Variants in LSAMP observed in about 807,000 individuals in gnomAD.
The protein encoded by LSAMP is limbic system-associated membrane protein.
LSAMP carries 7 observed loss-of-function variants against 38.6 expected under a neutral mutation model. That is an observed-to-expected ratio of 0.18 (90% CI 0.10 to 0.34). The LOEUF (loss-of-function observed/expected upper bound fraction) is 0.34, where lower values mean the gene tolerates loss of function less well. Ranked by LOEUF, LSAMP falls within the 10% of genes least tolerant of loss-of-function variation. The probability of loss-of-function intolerance (pLI) is 1.00; values close to 1 mark genes in which losing one functional copy is unlikely to be tolerated. For missense variants in LSAMP, 313 were observed against 420.0 expected, an observed-to-expected ratio of 0.75 and a Z score of 2.23; for synonymous variants, 154 against 166.8, an observed-to-expected ratio of 0.92 and a Z score of 0.59.
At chr3:116,317,910 C>T (rs929680582) in intron 1 of LSAMP, among the ~76,000 whole-genome samples, 1 of 151,200 alleles carries the variant, frequency 6.6e-6, no homozygotes, top group Non-Finnish European at 1.5e-5. Flanking sequence ...CTGAGGTAGG[C>T]GGATCACTTG....
chr3:115,816,838 C>A (rs1313953185), intron 6 of LSAMP, among the ~76,000 whole-genome samples: 2 of 152,056 alleles, frequency 1.3e-5, no homozygotes, highest in Non-Finnish European at 2.9e-5. Context: ...TTTGTTGGAA[C>A]AAATGATGTG....
At chr3:115,851,353 G>T (rs1004646640) in intron 4 of LSAMP, among the ~76,000 whole-genome samples, 6 of 152,048 alleles carry the variant, frequency 3.9e-5, no homozygotes, top group African/African-American at 1.5e-4. Flanking sequence ...TGAGAGTGTG[G>T]GCTTTAGAAT....
chr3:116,044,441 A>G (rs1019944357), intron 2 of LSAMP, among the ~76,000 whole-genome samples: 1 of 151,882 alleles, frequency 6.6e-6, no homozygotes, highest in South Asian at 2.1e-4. Context: ...TCTGCAAGGG[A>G]CTCTGGGATA....
intron 1 of LSAMP, among the ~76,000 whole-genome samples, chr3:116,285,238 C>A (rs1290904159): frequency 6.6e-6 from 1 of 152,132 alleles, no homozygotes; most frequent in Non-Finnish European, 1.5e-5. Flanking sequence ...CACTGTTCTG[C>A]AATGGCCTCC....
intron 1 of LSAMP, among the ~76,000 whole-genome samples, chr3:116,395,190 T>A (rs980148139): frequency 6.6e-6 from 1 of 152,192 alleles, no homozygotes; most frequent in African/African-American, 2.4e-5. Context: ...CAAAGGAGCA[T>A]GAATAATCTC....
chr3:115,950,915 T>C (rs1938266883), intron 3 of LSAMP, among the ~76,000 whole-genome samples: 1 of 150,546 alleles, frequency 6.6e-6, no homozygotes, highest in Admixed American at 6.6e-5. Context: ...AACAGGCATA[T>C]AGACCAAGGG....
At chr3:115,930,425 G>C (rs897890057) in intron 3 of LSAMP, among the ~76,000 whole-genome samples, 1 of 152,034 alleles carries the variant, frequency 6.6e-6, no homozygotes, top group Non-Finnish European at 1.5e-5. Context: ...ACTATGAGGT[G>C]GCTAACGTGG....
chr3:116,215,433 C>G (rs922216959), intron 1 of LSAMP, among the ~76,000 whole-genome samples: 1 of 147,742 alleles, frequency 6.8e-6, no homozygotes, highest in Admixed American at 6.8e-5. Flanking sequence ...GCCTTAGGAC[C>G]TTTTTTTTTT....
chr3:115,902,394 C>G (rs778171917), intron 3 of LSAMP, among the ~76,000 whole-genome samples: 1 of 152,030 alleles, frequency 6.6e-6, no homozygotes, highest in Non-Finnish European at 1.5e-5. Context: ...CTATAAAACC[C>G]TGTAAGACAA....
chr3:116,157,621 T>A (rs796668391), intron 1 of LSAMP, among the ~76,000 whole-genome samples: 19 of 152,122 alleles, frequency 1.2e-4, no homozygotes, highest in African/African-American at 4.6e-4. Flanking sequence ...ACTTAGGATA[T>A]CCTGGAAACA....
At chr3:115,969,341 G>A (rs1938935162) in intron 3 of LSAMP, among the ~76,000 whole-genome samples, 2 of 152,198 alleles carry the variant, frequency 1.3e-5, no homozygotes, top group Admixed American at 6.5e-5. Flanking sequence ...AAAAAGAGTA[G>A]GCAGGGCAGA....
At chr3:116,068,225 C>T (rs1339911460) in intron 2 of LSAMP, among the ~76,000 whole-genome samples, 1 of 152,160 alleles carries the variant, frequency 6.6e-6, no homozygotes, top group Non-Finnish European at 1.5e-5. Context: ...TCACATGCTT[C>T]AGGATATTAA....
At chr3:115,973,988 A>T (rs1939103529) in intron 3 of LSAMP, among the ~76,000 whole-genome samples, 1 of 152,166 alleles carries the variant, frequency 6.6e-6, no homozygotes, top group Admixed American at 6.5e-5. Flanking sequence ...TTGAATAAAA[A>T]TGATGGTAGT....
intron 3 of LSAMP, among the ~76,000 whole-genome samples, chr3:115,857,437 A>G (rs960785248): frequency 2.6e-5 from 4 of 152,150 alleles, no homozygotes; most frequent in African/African-American, 9.6e-5. Flanking sequence ...CACAAAACCT[A>G]TGGTTTAAGT....
rs58599963 is a variant in LSAMP, at chr3:116,180,375, AT to A, written c.156-93820del. ...GAAGATTTGGATTTTTTTATCCCAG[AT>A]TTTTTTTTTTTTATCATTTTTCTGT... On this transcript the variant is annotated intron_variant, in intron 1 of 6. Transcript: ENST00000490035. Among the ~76,000 whole-genome samples the A allele has an allele frequency of 2.2e-3, 325 of 150,784 alleles. 3 individuals are homozygous for A. The highest frequency in any genetic ancestry group is 8.1e-3 in the South Asian group (39 of 4,790).
Position 116,287,713 on chromosome 3 carries a change from A to G in LSAMP, c.155+157164T>C, listed in dbSNP as rs564613426. Among the ~76,000 whole-genome samples, 5 of 152,228 alleles carry G rather than the reference A, an allele frequency of 3.3e-5. No homozygotes were observed. The South Asian group carries it at 1.0e-3, about 32-fold the overall frequency. ...TAGAAACCAAAATAAATGGCCATTT[A>G]TCTAACTTTACCAACCTCATCACCA... On this transcript the variant is annotated intron_variant, in intron 1 of 6. Transcript: ENST00000490035.
chr3:116,443,653 C>T (rs1483595043), intron 1 of LSAMP, among the ~76,000 whole-genome samples: 1 of 152,196 alleles, frequency 6.6e-6, no homozygotes, highest in African/African-American at 2.4e-5. Flanking sequence ...TATGCACTAT[C>T]AGCTCCTTGC....
intron 3 of LSAMP, among the ~76,000 whole-genome samples, chr3:115,960,421 A>G (rs949232693): frequency 6.6e-6 from 1 of 152,218 alleles, no homozygotes; most frequent in Admixed American, 6.5e-5. Context: ...TTTAATTCAG[A>G]GAACAGGCTT....
At chr3:115,953,066 C>T (rs1419760479) in intron 3 of LSAMP, among the ~76,000 whole-genome samples, 1 of 152,084 alleles carries the variant, frequency 6.6e-6, no homozygotes, top group Non-Finnish European at 1.5e-5. Context: ...ATTTTTCAGT[C>T]TGATTCAGAG....
Sources: allele counts gnomAD v4.1 joint callset (sites outside exome capture counted in the v4.1 genomes callset), GRCh38; gene constraint gnomAD v4.1.1; transcripts MANE v1.5; gene names NCBI Gene and HGNC (gene_info 2026-07-23, HGNC 2026-07-21).